Variants in AASDH observed in about 807,000 individuals in gnomAD.
The protein encoded by AASDH is beta-alanine-activating enzyme.
Under a neutral mutation model 102.3 loss-of-function variants are expected in AASDH, and 81 were observed. The observed-to-expected ratio is 0.79, with a 90% CI of 0.66 to 0.95. The LOEUF is 0.95. Ranked by LOEUF, AASDH falls within the 40% of genes least tolerant of loss-of-function variation. The pLI is 0.00. For synonymous variants in AASDH, 398 were observed against 454.0 expected (o/e 0.88, Z 1.57); for missense variants, 1,203 against 1,266.2 (o/e 0.95, Z 0.76).
At chr4:56,357,081 T>C (rs1483407357) in intron 5 of AASDH, 2 of 288,210 alleles carry the variant, frequency 6.9e-6, no homozygotes, top group African/African-American at 2.2e-5. Flanking sequence ...CTATTTTAAG[T>C]ATACAATTTA....
intron 5 of AASDH, among the ~76,000 whole-genome samples, chr4:56,358,130 T>C (rs947681597): frequency 6.6e-6 from 1 of 152,022 alleles, no homozygotes; most frequent in Non-Finnish European, 1.5e-5. Context: ...TTTTCTTTAA[T>C]ACATATACAT....
intron 3 of AASDH, 100 bp downstream of exon 3, chr4:56,382,377 A>T: frequency 1.7e-6 from 2 of 1,210,696 alleles, no homozygotes; most frequent in South Asian, 1.5e-5. Context: ...AAACCTTGCC[A>T]CATTTAGCAG....
At chr4:56,356,875 C>T (rs569688682) in intron 5 of AASDH, 39 of 964,928 alleles carry the variant, frequency 4.0e-5, no homozygotes, top group South Asian at 2.6e-4. Flanking sequence ...GTCTGTGGCT[C>T]GCATCGCCAA....
rs530269230 is a variant in AASDH at position 56,373,242 on chromosome 4, C to A, written c.669-1599G>T. On this transcript the variant is annotated intron_variant, in intron 4 of 14. Coordinates refer to ENST00000205214, the MANE Select transcript of AASDH (RefSeq NM_181806.4). ...GCAACCTCTGCCTCCCAAGTTCGAG[C>A]GATTCTCCTGCCTCAGCTTCCCGAG... is the stretch of plus-strand genomic sequence containing the variant. Among the ~76,000 whole-genome samples the A allele has an allele frequency of 1.5e-3, 221 of 152,204 alleles. 1 individual carries two copies. The highest frequency in any genetic ancestry group is 5.0e-3 in the African/African-American group (207 of 41,514).
intron 5 of AASDH, among the ~76,000 whole-genome samples, chr4:56,363,700 T>C (rs1347163664): frequency 1.3e-5 from 2 of 151,986 alleles, no homozygotes; most frequent in South Asian, 2.1e-4. Flanking sequence ...AGAAAGGACA[T>C]CCACACCAGA....
chr4:56,379,041 G>A (rs542989475), intron 3 of AASDH, among the ~76,000 whole-genome samples: 4 of 151,706 alleles, frequency 2.6e-5, no homozygotes, highest in African/African-American at 7.3e-5. Context: ...CTGCCACCAC[G>A]CCCGGCTAAT....
chr4:56,362,818 A>G (rs1008412001), intron 5 of AASDH, among the ~76,000 whole-genome samples: 1 of 152,172 alleles, frequency 6.6e-6, no homozygotes, highest in Non-Finnish European at 1.5e-5. Context: ...AGCGACGCAG[A>G]AGACGGGTGA....
intron 2 of AASDH, among the ~76,000 whole-genome samples, chr4:56,382,881 C>T (rs977493462): frequency 6.6e-5 from 10 of 152,240 alleles, no homozygotes; most frequent in Non-Finnish European, 1.3e-4. Flanking sequence ...ACCAGCCTGA[C>T]CAACATGGAG....
intron 5 of AASDH, among the ~76,000 whole-genome samples, chr4:56,363,433 G>A (rs1467966040): frequency 6.6e-6 from 1 of 152,216 alleles, no homozygotes; most frequent in Non-Finnish European, 1.5e-5. Context: ...TCCTCAAGTG[G>A]GTCCCTGAAC....
Position 56,371,507 on chromosome 4 carries a change from G to A in AASDH, c.805C>T (p.Leu269Phe). The change falls in exon 5 of 15, where the codon CTC (leucine) becomes TTC (phenylalanine). Residue 269 changes from leucine to phenylalanine, a missense_variant. Transcript: ENST00000205214. ...AGAACGCTGGCTAATTTTGATGGGAGCAACTTGACGGAAGTTGGTACAATA... is the reference window on the plus strand; with the variant it reads ...AGAACGCTGGCTAATTTTGATGGGAACAACTTGACGGAAGTTGGTACAATA... Reference protein sequence around the residue: ...LLIVPTSVKLLPSKLASVLFS... With the variant: ...LLIVPTSVKLFPSKLASVLFS... The A allele has an allele frequency of 3.1e-6, 5 of 1,613,288 alleles. No homozygotes were observed. Among genetic ancestry groups the A allele is most frequent in the South Asian group, 1.1e-5 (1 of 90,798 alleles).
chr4:56,373,021 G>A (rs929289986), intron 4 of AASDH, among the ~76,000 whole-genome samples: 2 of 152,124 alleles, frequency 1.3e-5, no homozygotes, highest in African/African-American at 4.8e-5. Flanking sequence ...CCACGTATAG[G>A]GCAGGACCCT....
Position 56,338,616 on chromosome 4 carries a change from T to C in AASDH, c.3083A>G (p.His1028Arg), listed in dbSNP as rs750955315. ...SRVYATPFAF[H>R]NYNGSNEMLL... ...CATTTCATTGCTGCCATTGTAGTTA[T>C]GGAAAGCAAACGGTGTTGCATAGAC... Residue 1028 changes from histidine to arginine, a missense_variant, in exon 15 of 15, where the codon CAT becomes CGT. By Grantham distance (29) the His-to-Arg change is conservative. Coordinates refer to ENST00000205214, the MANE Select transcript of AASDH (RefSeq NM_181806.4). 1.5e-5 allele frequency: 24 copies of C among 1,614,044 alleles called. No homozygotes were observed. Among genetic ancestry groups the C allele is most frequent in the East Asian group, 2.2e-5 (1 of 44,884 alleles).
rs768547468 is a variant in AASDH at position 56,338,577 on chromosome 4, G to A, written c.3122C>T (p.Ala1041Val). 1 of 1,614,194 alleles carries A rather than the reference G, an allele frequency of 6.2e-7. No individual in the cohort carries two copies. Among genetic ancestry groups the A allele is most frequent in the Admixed American group, 1.7e-5 (1 of 60,030 alleles). Reference protein sequence around the residue: ...NGSNEMLLAAASTDGKVWILE... With the variant: ...NGSNEMLLAAVSTDGKVWILE... The stretch of plus-strand genomic sequence containing the variant: ...GATCCACACTTTCCCATCAGTAGAT[G>A]CTGCTGCCAGCAACATTTCATTGCT... Residue 1041 changes from alanine (A) to valine (V), a missense_variant, in exon 15 of 15, where the codon GCA becomes GTA. By Grantham distance (64) the Ala-to-Val change is moderately conservative. Transcript: ENST00000205214.
Position 56,349,575 on chromosome 4 carries a change from C to T in AASDH, c.2176G>A (p.Val726Ile), listed in dbSNP as rs752422032. 9 of 1,614,184 alleles carry T rather than the reference C, an allele frequency of 5.6e-6. No individual in the cohort carries two copies. Among genetic ancestry groups the T allele is most frequent in the Non-Finnish European group, 7.6e-6 (9 of 1,180,042 alleles). Residue 726 changes from valine (V) to isoleucine (I), a missense_variant, in exon 11 of 15, where the codon GTT (valine) becomes ATT (isoleucine). By Grantham distance (29) the Val-to-Ile change is conservative. Coordinates refer to ENST00000205214, the MANE Select transcript of AASDH (RefSeq NM_181806.4). ...IQNLKGLNSP[V>I]LIGKSKDPSC... is the part of the protein sequence containing the mutation. ...GGATCTTTTGACTTCCCAATAAGAA[C>T]TGGAGAATTTAAGCCTTTCAAATTT...
intron 4 of AASDH, among the ~76,000 whole-genome samples, chr4:56,377,082 T>A (rs867351788): frequency 3.3e-4 from 28 of 85,274 alleles, no homozygotes; most frequent in South Asian, 4.3e-4. Flanking sequence ...AAAAAAAAAA[T>A]AAATAAATAA....
At chr4:56,376,226 A>ATGT (rs1449034806) in intron 4 of AASDH, among the ~76,000 whole-genome samples, 2 of 151,694 alleles carry the variant, frequency 1.3e-5, no homozygotes, top group Non-Finnish European at 1.5e-5. Flanking sequence ...GAGTCCCACT[A>ATGT]TGTTACCCAG....
chr4:56,342,157 T>C (rs996817173), intron 14 of AASDH, among the ~76,000 whole-genome samples: 2 of 123,848 alleles, frequency 1.6e-5, no homozygotes, highest in African/African-American at 3.1e-5. Context: ...GGTTGGCTAA[T>C]AAAAAAATAA....
chr4:56,377,647 G>T (rs1256087588), intron 4 of AASDH, among the ~76,000 whole-genome samples: 1 of 152,146 alleles, frequency 6.6e-6, no homozygotes, highest in East Asian at 1.9e-4. Context: ...CCTAGGCTTG[G>T]ATGAAACAGG....
rs1461915356 is a variant in AASDH, at chr4:56,387,431, T to G, written c.-112A>C. 1 of 152,316 alleles carries G rather than the reference T, an allele frequency of 6.6e-6. No homozygotes were observed. Among genetic ancestry groups the G allele is most frequent in the East Asian group, 1.9e-4 (1 of 5,178 alleles). The allele number at this position is 152,316 out of a possible 1,614,324, so 9.4% of individuals were successfully genotyped here. On this transcript the variant is annotated 5_prime_UTR_variant, in exon 1 of 15. It removes the in-frame stop codon of an upstream open reading frame in the 5' UTR. Coordinates refer to ENST00000205214, the MANE Select transcript of AASDH (RefSeq NM_181806.4). Reference sequence around the variant, plus strand: ...CCGGATAGCTCGTCGCGGATACTTCTCACAGCGAAGCAGCAGCTCCCAGAA... The same window carrying G: ...CCGGATAGCTCGTCGCGGATACTTCGCACAGCGAAGCAGCAGCTCCCAGAA...
Sources: gnomAD v4.1 joint callset for allele counts (sites outside exome capture counted in the v4.1 genomes callset) on GRCh38, gnomAD v4.1.1 for gene constraint, MANE v1.5 for transcripts, NCBI Gene and HGNC (gene_info 2026-07-23, HGNC 2026-07-21) for gene names.